IL9R: variants seen among roughly 807,000 people sequenced by gnomAD.
The protein encoded by IL9R is interleukin-9 receptor.
Under a neutral mutation model 56.3 loss-of-function variants are expected in IL9R, and 54 were observed. The observed-to-expected ratio is 0.96, with a 90% CI of 0.77 to 1.20. The LOEUF (loss-of-function observed/expected upper bound fraction) is 1.20. Ranked by LOEUF, IL9R falls within the 50% of genes most tolerant of loss-of-function variation. The pLI, the probability that IL9R is intolerant of heterozygous loss-of-function variation, is 0.00. For synonymous variants in IL9R, 212 were observed against 250.2 expected, an observed-to-expected ratio of 0.85 and a Z score of 1.44; for missense variants, 545 against 629.8, an observed-to-expected ratio of 0.87 and a Z score of 1.44.
At chrX:156,000,134 TAAA>T (rs566708471) in intron 1 of IL9R, among the ~76,000 whole-genome samples, 21 of 141,294 alleles carry the variant, frequency 1.5e-4, no homozygotes, top group Admixed American at 1.4e-4. Context: ...AGACTCCGTC[TAAA>T]AAAAAAAAAT....
At position 156,004,413 on chromosome X, in the gene IL9R, G is replaced by T. The variant is rs1415834935; in HGVS notation, c.434-7G>T. On this transcript the variant is annotated splice_polypyrimidine_tract_variant and splice_region_variant and intron_variant, in intron 4 of 8. Coordinates refer to ENST00000244174, the MANE Select transcript of IL9R (RefSeq NM_002186.3). ...CTTCAGCCTCACATGGATTCACTCT[G>T]TTCCAGTTAAGCTGGACCCGCCCTC... 2.5e-6 allele frequency: 4 copies of T among 1,613,670 alleles called. No individual in the cohort carries two copies. The highest frequency in any genetic ancestry group is 3.4e-6 in the Non-Finnish European group (4 of 1,179,812).
chrX:156,009,035 CTG>C (rs1173343173), intron 8 of IL9R, among the ~76,000 whole-genome samples: 208 of 105,796 alleles, frequency 2.0e-3, no homozygotes, highest in Non-Finnish European at 3.1e-3. Context: ...GTGTCTGTAT[CTG>C]TGTGTGTTTG....
intron 1 of IL9R, 30 bp downstream of exon 1, chrX:155,997,817 C>G (rs368822211): frequency 2.0e-5 from 32 of 1,602,998 alleles, no homozygotes; most frequent in Non-Finnish European, 2.6e-5. Context: ...TTCCCAACCT[C>G]TCAAGTCAGC....
chrX:156,006,414 C>A lies in IL9R; in HGVS notation c.887+226C>A, dbSNP rs916905493. Among the ~76,000 whole-genome samples, 52 of 143,178 alleles carry A rather than the reference C, an allele frequency of 3.6e-4. 1 individual carries two copies. Among genetic ancestry groups the A allele is most frequent in the Non-Finnish European group, 6.3e-4 (41 of 65,184 alleles). The allele number at this position is 143,178 out of a possible 152,430, so 93.9% of individuals were successfully genotyped here. ...GGTCCAGAAGAGGGTTCTCAAGTTG[C>A]CAGGGGAGAGCAGGGAAGGGGGGTC... On this transcript the variant is annotated intron_variant, in intron 7 of 8. Transcript: ENST00000244174.
chrX:156,004,006 G>A (rs1225083568), intron 4 of IL9R, 151 bp downstream of exon 4: 11 of 843,892 alleles, frequency 1.3e-5, no homozygotes, highest in Non-Finnish European at 2.0e-5. Context: ...GGCAGGCTTG[G>A]CCCTTGGGAG....
intron 1 of IL9R, among the ~76,000 whole-genome samples, chrX:155,999,828 A>G (rs2067391315): frequency 6.6e-6 from 1 of 152,120 alleles, no homozygotes; most frequent in South Asian, 2.1e-4. Flanking sequence ...CGCCCCCATT[A>G]AAAAAGACAA....
intron 1 of IL9R, among the ~76,000 whole-genome samples, chrX:156,000,145 A>T (rs7877424): frequency 0.23 from 32,482 of 144,150 alleles, 4,056 homozygotes; most frequent in South Asian, 0.28. Flanking sequence ...AAAAAAAAAA[A>T]ATATATATAT....
At chrX:156,005,064 A>C (rs1471690005) in intron 5 of IL9R, among the ~76,000 whole-genome samples, 2 of 151,932 alleles carry the variant, frequency 1.3e-5, no homozygotes, top group African/African-American at 2.4e-5. Flanking sequence ...CTGTGTGTGC[A>C]TATGTGTATT....
chrX:155,997,883 G>A (rs2067248502), intron 1 of IL9R, 96 bp downstream of exon 1: 3 of 1,180,584 alleles, frequency 2.5e-6, no homozygotes, highest in South Asian at 2.5e-5. Context: ...GGCCCAGGGA[G>A]CCACTGTGGC....
chrX:155,999,164 G>A (rs2067338797), intron 1 of IL9R, among the ~76,000 whole-genome samples: 1 of 152,032 alleles, frequency 6.6e-6, no homozygotes, highest in African/African-American at 2.4e-5. Flanking sequence ...AGATGGCAGA[G>A]GGGACAGTGG....
intron 1 of IL9R, chrX:156,001,346 C>G (rs759326371): frequency 5.4e-5 from 62 of 1,139,184 alleles, no homozygotes; most frequent in Middle Eastern, 5.7e-4. Flanking sequence ...GTGGTGACTC[C>G]AACCCTGCCC....
At position 156,003,706 on chromosome X, in the gene IL9R, G is replaced by A; in HGVS notation, c.284G>A (p.Cys95Tyr). The A allele has an allele frequency of 1.2e-6, 2 of 1,613,544 alleles. No homozygotes were observed. The highest frequency in any genetic ancestry group is 1.7e-6 in the Non-Finnish European group (2 of 1,179,652). ...CAGGCTCCTGGCGGCACACATAAGT[G>A]CATCTTGCGGGGCAGTGAGTGCACC... ...SNQAPGGTHK[C>Y]ILRGSECTVV... Residue 95 changes from cysteine (C) to tyrosine (Y), a missense_variant, in exon 4 of 9, where the codon TGC becomes TAC. Around this residue, in one of 2 missense-constraint regions of IL9R, gnomAD observed 431 missense variants for 360.0 expected, o/e 1.20. Transcript: ENST00000244174.
chrX:155,998,274 C>A (rs1028647960), intron 1 of IL9R, among the ~76,000 whole-genome samples: 16 of 152,038 alleles, frequency 1.1e-4, no homozygotes, highest in African/African-American at 1.4e-4. Context: ...GATGGGTATG[C>A]CCCACTGGAG....
intron 7 of IL9R, 91 bp from the exon 8 acceptor site, chrX:156,007,432 C>T (rs1191384441): frequency 2.3e-5 from 19 of 835,810 alleles, no homozygotes; most frequent in Admixed American, 1.7e-4. Context: ...GGTGGGCGGA[C>T]CTCCTGCTGA....
intron 2 of IL9R, 114 bp from the exon 3 acceptor site, chrX:156,003,335 T>C: frequency 2.6e-6 from 2 of 774,158 alleles, no homozygotes; most frequent in South Asian, 1.5e-5. Flanking sequence ...GATTCTGGGA[T>C]CATTTACTGG....
At chrX:156,005,880 T>C (rs1221116080) in intron 6 of IL9R, among the ~76,000 whole-genome samples, 50 of 147,208 alleles carry the variant, frequency 3.4e-4, no homozygotes, top group African/African-American at 1.2e-3. Flanking sequence ...AGGAGTGTGG[T>C]TCACACAAGG....
intron 2 of IL9R, 109 bp downstream of exon 2, chrX:156,003,128 G>A: frequency 7.2e-7 from 1 of 1,392,930 alleles, no homozygotes; most frequent in South Asian, 1.2e-5. Flanking sequence ...GGCCCAAACT[G>A]TGCTGGGGCA....
intron 5 of IL9R, among the ~76,000 whole-genome samples, chrX:156,004,841 C>T (rs1385264697): frequency 6.6e-6 from 1 of 151,904 alleles, no homozygotes; most frequent in East Asian, 1.9e-4. Flanking sequence ...TAACTGTGCA[C>T]ACTCATGTTT....
intron 4 of IL9R, chrX:156,004,083 T>C: frequency 1.6e-6 from 1 of 608,878 alleles, no homozygotes; most frequent in South Asian, 2.0e-5. Context: ...CGGCTGCTAG[T>C]TGGGGCAGGG....
Sources: allele counts gnomAD v4.1 joint callset (sites outside exome capture counted in the v4.1 genomes callset), GRCh38; gene constraint gnomAD v4.1.1; regional missense constraint gnomAD v4.1.1; transcripts MANE v1.5; gene names NCBI Gene and HGNC (gene_info 2026-07-23, HGNC 2026-07-21).